The following NRG3 variants were observed in gnomAD, a reference collection of about 807,000 sequenced individuals.
The protein encoded by NRG3 is pro-neuregulin-3, membrane-bound isoform.
In NRG3, 31 loss-of-function variants were observed where a neutral mutation model predicts 66.9. The observed-to-expected ratio is 0.46, with a 90% CI of 0.35 to 0.63. NRG3 has a LOEUF of 0.63. Among genes scored for constraint, NRG3 ranks in the 20% least tolerant of loss-of-function variants. The probability of loss-of-function intolerance (pLI) is 0.00; values close to 1 mark genes in which losing one functional copy is unlikely to be tolerated. For synonymous variants in NRG3, 393 were observed against 359.4 expected, an observed-to-expected ratio of 1.09 and a Z score of -1.06; for missense variants, 910 against 878.9, an observed-to-expected ratio of 1.04 and a Z score of -0.45.
intron 6 of NRG3, among the ~76,000 whole-genome samples, chr10:82,963,553 G>A (rs1239015344): frequency 1.3e-5 from 2 of 152,238 alleles, no homozygotes; most frequent in African/African-American, 2.4e-5. Flanking sequence ...GGTGGCTGAC[G>A]CCTGTAGTCC....
intron 2 of NRG3, among the ~76,000 whole-genome samples, chr10:82,675,114 A>G (rs1031401035): frequency 1.3e-5 from 2 of 151,894 alleles, no homozygotes; most frequent in East Asian, 3.9e-4. Flanking sequence ...ACCCGCCATC[A>G]TGCTGGCTAA....
intron 2 of NRG3, among the ~76,000 whole-genome samples, chr10:82,465,813 T>G (rs1429651937): frequency 6.6e-6 from 1 of 152,206 alleles, no homozygotes; most frequent in Admixed American, 6.5e-5. Flanking sequence ...TGCTGGGCCT[T>G]TTTCAATACC....
intron 4 of NRG3, among the ~76,000 whole-genome samples, chr10:82,891,830 G>T (rs1167897569): frequency 6.6e-6 from 1 of 151,910 alleles, no homozygotes; most frequent in Admixed American, 6.6e-5. Flanking sequence ...GTCATAGCAG[G>T]TTTAATTTTC....
chr10:82,948,845 T>C (rs1278871229), intron 4 of NRG3, among the ~76,000 whole-genome samples: 1 of 152,160 alleles, frequency 6.6e-6, no homozygotes, highest in Non-Finnish European at 1.5e-5. Context: ...AATTGTCATG[T>C]TGTTTGCAAA....
chr10:81,903,928 C>G (rs1291103798), intron 1 of NRG3, among the ~76,000 whole-genome samples: 2 of 151,358 alleles, frequency 1.3e-5, no homozygotes, highest in African/African-American at 2.4e-5. Context: ...GTCACATGCT[C>G]AACATGGTAA....
chr10:82,130,025 A>G (rs1027661729), intron 1 of NRG3, among the ~76,000 whole-genome samples: 68 of 151,922 alleles, frequency 4.5e-4, no homozygotes, highest in Admixed American at 1.6e-3. Context: ...GCCTCTAGTA[A>G]CCATCATTCT....
chr10:82,864,144 G>C (rs1403698132), intron 3 of NRG3, among the ~76,000 whole-genome samples: 1 of 152,042 alleles, frequency 6.6e-6, no homozygotes, highest in Admixed American at 6.6e-5. Flanking sequence ...TTTCTGATTG[G>C]GGTGATGGAA....
At chr10:82,489,324 G>A (rs1842920819) in intron 2 of NRG3, among the ~76,000 whole-genome samples, 1 of 152,146 alleles carries the variant, frequency 6.6e-6, no homozygotes, top group African/African-American at 2.4e-5. Flanking sequence ...CTATACCAGG[G>A]AACAGTTAGC....
At chr10:82,625,790 T>C (rs930124590) in intron 2 of NRG3, among the ~76,000 whole-genome samples, 4 of 152,186 alleles carry the variant, frequency 2.6e-5, no homozygotes, top group Non-Finnish European at 2.9e-5. Flanking sequence ...GTTGATATGG[T>C]CACAATATGT....
At chr10:82,942,760 T>C (rs1347920793) in intron 4 of NRG3, among the ~76,000 whole-genome samples, 1 of 152,178 alleles carries the variant, frequency 6.6e-6, no homozygotes, top group African/African-American at 2.4e-5. Context: ...TAACTGCTCT[T>C]ATCCTCTTAT....
chr10:82,408,060 A>AGAGAGAGC (rs879792508), intron 2 of NRG3, among the ~76,000 whole-genome samples: 5,540 of 127,030 alleles, frequency 0.044, 478 homozygotes, highest in East Asian at 0.12. Context: ...AGAGAGAGAG[A>AGAGAGAGC]GAGAGAGAGA....
chr10:82,676,211 TA>T (rs1171299905), intron 2 of NRG3, among the ~76,000 whole-genome samples: 1 of 151,968 alleles, frequency 6.6e-6, no homozygotes, highest in African/African-American at 2.4e-5. Context: ...TCACATGCTT[TA>T]AAAAAAACTA....
At chr10:82,487,171 A>G (rs1378455017) in intron 2 of NRG3, among the ~76,000 whole-genome samples, 1 of 150,486 alleles carries the variant, frequency 6.6e-6, no homozygotes, top group Non-Finnish European at 1.5e-5. Context: ...CTGAGGATAC[A>G]AAGAATAAAA....
chr10:82,626,419 A>C (rs139832512), intron 2 of NRG3, among the ~76,000 whole-genome samples: 1 of 152,192 alleles, frequency 6.6e-6, no homozygotes, highest in Non-Finnish European at 1.5e-5. Context: ...CATACTGACC[A>C]TGAAGAGTGT....
chr10:82,391,518 A>T (rs1350350145), intron 2 of NRG3, among the ~76,000 whole-genome samples: 3 of 152,134 alleles, frequency 2.0e-5, no homozygotes, highest in Non-Finnish European at 2.9e-5. Context: ...AGCCAACGGA[A>T]CATAAGTGGG....
At chr10:82,109,535 T>TTGTG (rs747213240) in intron 1 of NRG3, among the ~76,000 whole-genome samples, 6,198 of 138,632 alleles carry the variant, frequency 0.045, 208 homozygotes, top group East Asian at 0.17. Flanking sequence ...AAGAATAAGA[T>TTGTG]TGTGTGTGTG....
chr10:81,971,419 T>C (rs1203836909), intron 1 of NRG3, among the ~76,000 whole-genome samples: 1 of 152,170 alleles, frequency 6.6e-6, no homozygotes, highest in African/African-American at 2.4e-5. Context: ...GTATTTATAA[T>C]ATGGAAATTT....
chr10:82,236,612 A>G (rs1045086130), intron 1 of NRG3, among the ~76,000 whole-genome samples: 1 of 151,736 alleles, frequency 6.6e-6, no homozygotes, highest in African/African-American at 2.4e-5. Context: ...TTTCTCAGTC[A>G]TCTGTTTAAC....
At chr10:82,597,423 G>T (rs2047350531) in intron 2 of NRG3, among the ~76,000 whole-genome samples, 1 of 152,124 alleles carries the variant, frequency 6.6e-6, no homozygotes, top group South Asian at 2.1e-4. Flanking sequence ...ATGCAGATTA[G>T]CTTTTTATCC....
Sources: gnomAD v4.1 joint callset for allele counts (sites outside exome capture counted in the v4.1 genomes callset) on GRCh38, gnomAD v4.1.1 for gene constraint, MANE v1.5 for transcripts, NCBI Gene and HGNC (gene_info 2026-07-23, HGNC 2026-07-21) for gene names.